PRR16: variants seen among roughly 807,000 people sequenced by gnomAD.
PRR16 encodes the protein protein Largen.
A neutral mutation model predicts 18.2 loss-of-function variants in PRR16; 6 were observed. The ratio of observed to expected loss-of-function variants is 0.33; its 90% CI spans 0.18 to 0.65. The LOEUF (loss-of-function observed/expected upper bound fraction) is 0.65. Ranked by LOEUF, PRR16 falls within the 30% of genes least tolerant of loss-of-function variation. PRR16 has a pLI of 0.74. For missense variants in PRR16, 412 were observed against 376.6 expected, an observed-to-expected ratio of 1.09 and a Z score of -0.78; for synonymous variants, 151 against 147.8, an observed-to-expected ratio of 1.02 and a Z score of -0.16.
the PRR16 span, among the ~76,000 whole-genome samples, chr5:120,711,365 A>G: frequency 1.3e-5 from 2 of 152,134 alleles, no homozygotes; most frequent in South Asian, 2.1e-4. Flanking sequence ...AGTAGTAATC[A>G]TGTCTGTCTC....
At chr5:120,589,910 T>A (rs1753575884) in intron 1 of PRR16, among the ~76,000 whole-genome samples, 1 of 152,074 alleles carries the variant, frequency 6.6e-6, no homozygotes, top group Admixed American at 6.6e-5. Flanking sequence ...AGAAATTGGA[T>A]TTGGAATTTG....
At position 120,589,886 on chromosome 5, in the gene PRR16, G is replaced by T. The variant is rs918214773; in HGVS notation, c.160-96068G>T. ...TAGTCCTTTGACCAACTGATCAAAG[G>T]CCACAAGCTAAAGAGAAATTGGATT... On this transcript the variant is annotated intron_variant, in intron 1 of 1. Coordinates refer to ENST00000407149, the MANE Select transcript of PRR16 (RefSeq NM_001300783.2). Among the ~76,000 whole-genome samples, 7 of 152,020 alleles carry T rather than the reference G, an allele frequency of 4.6e-5. 1 individual carries two copies. The highest frequency in any genetic ancestry group is 8.8e-5 in the Non-Finnish European group (6 of 67,996).
At chr5:120,695,793 C>G in the PRR16 span, among the ~76,000 whole-genome samples, 2 of 152,152 alleles carry the variant, frequency 1.3e-5, no homozygotes, top group African/African-American at 2.4e-5. Flanking sequence ...CTCTGACATG[C>G]CTTGCTGCAC....
chr5:120,534,101 A>G (rs1460374382), intron 1 of PRR16, among the ~76,000 whole-genome samples: 2 of 152,184 alleles, frequency 1.3e-5, no homozygotes, highest in East Asian at 3.9e-4. Flanking sequence ...AGACATCCAC[A>G]TAGACATCTT....
intron 1 of PRR16, among the ~76,000 whole-genome samples, chr5:120,537,141 G>T (rs912932621): frequency 1.3e-5 from 2 of 152,104 alleles, no homozygotes; most frequent in Admixed American, 1.3e-4. Context: ...AAACCCTCAA[G>T]ACATGAGTTT....
At chr5:120,642,083 C>T (rs941181488) in intron 1 of PRR16, among the ~76,000 whole-genome samples, 2 of 152,088 alleles carry the variant, frequency 1.3e-5, no homozygotes, top group African/African-American at 4.8e-5. Context: ...TCCCACACTT[C>T]TCTATTTATC....
At position 120,686,614 on chromosome 5, in the gene PRR16, A is replaced by T. The variant is rs141384895; in HGVS notation, c.820A>T (p.Ser274Cys). Residue 274 changes from serine to cysteine, a missense_variant, in exon 2 of 2, where the codon AGC becomes TGC. Physicochemically the swap from Ser to Cys is moderately radical, Grantham distance 112. Coordinates refer to ENST00000407149, the MANE Select transcript of PRR16 (RefSeq NM_001300783.2). Reference sequence around the variant, plus strand: ...GGGAATGGGAATAAGCCACAGTAACAGCTTCCCCCCTATCAGACCTGCAAC... The same window carrying T: ...GGGAATGGGAATAAGCCACAGTAACTGCTTCCCCCCTATCAGACCTGCAAC... ...NGGMGISHSN[S>C]FPPIRPATVP... The T allele has an allele frequency of 1.6e-3, 2,518 of 1,612,756 alleles. 8 individuals carry two copies. The highest frequency in any genetic ancestry group is 5.1e-3 in the Middle Eastern group (31 of 6,052).
At chr5:120,557,608 T>G (rs972040548) in intron 1 of PRR16, among the ~76,000 whole-genome samples, 3 of 151,910 alleles carry the variant, frequency 2.0e-5, no homozygotes, top group Admixed American at 1.3e-4. Context: ...TGGGCAACTC[T>G]TTGGTAGTTC....
At chr5:120,695,596 C>A in the PRR16 span, among the ~76,000 whole-genome samples, 122 of 152,274 alleles carry the variant, frequency 8.0e-4, no homozygotes, top group African/African-American at 2.9e-3. Context: ...AATGGAGAAA[C>A]TTTCCTCTCG....
chr5:120,750,607 C>T, the PRR16 span, among the ~76,000 whole-genome samples: 1 of 151,820 alleles, frequency 6.6e-6, no homozygotes, highest in Non-Finnish European at 1.5e-5. Context: ...GCGGAGGTTG[C>T]AGTGAGCTGA....
chr5:120,464,852 A>G (rs1749023677), intron 1 of PRR16, among the ~76,000 whole-genome samples: 2 of 152,026 alleles, frequency 1.3e-5, no homozygotes, highest in South Asian at 4.1e-4. Flanking sequence ...GGAAGAAATC[A>G]ACTAGTGTTT....
At chr5:120,676,849 C>T (rs920098665) in intron 1 of PRR16, among the ~76,000 whole-genome samples, 8 of 152,078 alleles carry the variant, frequency 5.3e-5, no homozygotes, top group Admixed American at 2.0e-4. Flanking sequence ...TTCCCCTGAG[C>T]GACTTTTTCA....
At chr5:120,606,954 G>A (rs774004709) in intron 1 of PRR16, among the ~76,000 whole-genome samples, 2 of 151,974 alleles carry the variant, frequency 1.3e-5, no homozygotes, top group African/African-American at 2.4e-5. Flanking sequence ...CTAATATTAT[G>A]TATTATTGGC....
At chr5:120,753,828 A>G in the PRR16 span, among the ~76,000 whole-genome samples, 2 of 134,074 alleles carry the variant, frequency 1.5e-5, no homozygotes, top group Non-Finnish European at 3.1e-5. Flanking sequence ...ATATTTATAT[A>G]TAATATATAT....
intron 1 of PRR16, among the ~76,000 whole-genome samples, chr5:120,652,547 T>A (rs1337072121): frequency 6.6e-6 from 1 of 152,072 alleles, no homozygotes; most frequent in East Asian, 1.9e-4. Flanking sequence ...GCGTTTTCCC[T>A]CTGTGGTCTT....
chr5:120,625,922 A>G (rs1407048972), intron 1 of PRR16, among the ~76,000 whole-genome samples: 2 of 152,146 alleles, frequency 1.3e-5, no homozygotes, highest in African/African-American at 4.8e-5. Context: ...CAGCAAAGGA[A>G]TCCAAGGGAT....
intron 1 of PRR16, among the ~76,000 whole-genome samples, chr5:120,466,571 A>C (rs1056301883): frequency 3.9e-5 from 6 of 152,170 alleles, no homozygotes; most frequent in African/African-American, 1.2e-4. Context: ...TTATTTATGG[A>C]CATTTAGAGA....
chr5:120,705,784 A>T, the PRR16 span, among the ~76,000 whole-genome samples: 1 of 152,106 alleles, frequency 6.6e-6, no homozygotes, highest in Non-Finnish European at 1.5e-5. Flanking sequence ...CTCTGTAGTA[A>T]TTATTGGTAG....
At chr5:120,662,458 A>T (rs1289560098) in intron 1 of PRR16, among the ~76,000 whole-genome samples, 8 of 151,896 alleles carry the variant, frequency 5.3e-5, no homozygotes, top group Admixed American at 5.3e-4. Flanking sequence ...TTAGCTCTTC[A>T]ATTCCTCTTC....
Sources: allele counts gnomAD v4.1 joint callset (sites outside exome capture counted in the v4.1 genomes callset), GRCh38; gene constraint gnomAD v4.1.1; transcripts MANE v1.5; gene names NCBI Gene and HGNC (gene_info 2026-07-23, HGNC 2026-07-21).